Variants in CMSS1 observed in about 807,000 individuals in gnomAD.
The protein encoded by CMSS1 is protein CMSS1.
CMSS1 carries 33 observed loss-of-function variants against 43.5 expected under a neutral mutation model. The ratio of observed to expected loss-of-function variants is 0.76; its 90% CI spans 0.57 to 1.01. CMSS1 has a LOEUF of 1.01. CMSS1 is among the 50% of genes least tolerant of loss of function. The pLI, the probability that CMSS1 is intolerant of heterozygous loss-of-function variation, is 0.00. For missense variants in CMSS1, 313 were observed against 326.4 expected, an observed-to-expected ratio of 0.96 and a Z score of 0.32; for synonymous variants, 115 against 117.2, an observed-to-expected ratio of 0.98 and a Z score of 0.12.
intron 1 of CMSS1, among the ~76,000 whole-genome samples, chr3:100,146,644 A>G (rs374468633): frequency 6.6e-6 from 1 of 152,212 alleles, no homozygotes; most frequent in South Asian, 2.1e-4. Flanking sequence ...TACTATTATC[A>G]TCATAAGACA....
intron 1 of CMSS1, among the ~76,000 whole-genome samples, chr3:99,925,171 T>C (rs1447405618): frequency 6.6e-6 from 1 of 152,236 alleles, no homozygotes; most frequent in Non-Finnish European, 1.5e-5. Context: ...GATTTTCATT[T>C]TATTATACAT....
chr3:100,123,335 G>A (rs1157439884), intron 1 of CMSS1, among the ~76,000 whole-genome samples: 5 of 152,192 alleles, frequency 3.3e-5, no homozygotes, highest in Non-Finnish European at 7.3e-5. Flanking sequence ...GGCACTCCAG[G>A]AGGTCAGCAT....
chr3:99,849,432 T>G, intron 1 of CMSS1: 1 of 1,614,200 alleles, frequency 6.2e-7, no homozygotes, highest in South Asian at 1.1e-5. Flanking sequence ...GATTTAGTTT[T>G]TTTTGCAGGA....
At chr3:100,132,818 C>CAAAAAAA (rs537334560) in intron 1 of CMSS1, among the ~76,000 whole-genome samples, 131 of 65,698 alleles carry the variant, frequency 2.0e-3, no homozygotes, top group East Asian at 2.4e-3. Context: ...GACTCCATCC[C>CAAAAAAA]AAAAAAAAAA....
intron 1 of CMSS1, among the ~76,000 whole-genome samples, chr3:99,942,015 G>C (rs1294030924): frequency 6.6e-6 from 1 of 152,120 alleles, no homozygotes; most frequent in Non-Finnish European, 1.5e-5. Context: ...AGGAGATCTA[G>C]ACCATCCTGG....
At chr3:100,161,107 A>G (rs957525718) in intron 3 of CMSS1, among the ~76,000 whole-genome samples, 2 of 152,196 alleles carry the variant, frequency 1.3e-5, no homozygotes, top group African/African-American at 4.8e-5. Context: ...CTTCTCCCAC[A>G]GTTGTGAAAA....
chr3:99,914,103 A>G (rs1221077388), intron 1 of CMSS1, among the ~76,000 whole-genome samples: 1 of 152,206 alleles, frequency 6.6e-6, no homozygotes, highest in Admixed American at 6.5e-5. Flanking sequence ...CTTAGATCCC[A>G]CTATTTTCAA....
chr3:99,844,466 C>T (rs1943274147), intron 1 of CMSS1, among the ~76,000 whole-genome samples: 1 of 152,110 alleles, frequency 6.6e-6, no homozygotes, highest in Non-Finnish European at 1.5e-5. Context: ...TAGGAAAAAG[C>T]TAGAGTGTTG....
chr3:100,100,826 G>C (rs574513685), intron 1 of CMSS1, among the ~76,000 whole-genome samples: 4 of 152,186 alleles, frequency 2.6e-5, no homozygotes, highest in Admixed American at 6.5e-5. Flanking sequence ...TGTGGAGAAG[G>C]TGTCCTGGTG....
At chr3:99,840,037 G>A (rs1407057442) in intron 1 of CMSS1, among the ~76,000 whole-genome samples, 1 of 152,042 alleles carries the variant, frequency 6.6e-6, no homozygotes, top group Non-Finnish European at 1.5e-5. Context: ...ACAGTTGGGG[G>A]ATGCTACATG....
At chr3:99,942,570 G>A (rs377618010) in intron 1 of CMSS1, among the ~76,000 whole-genome samples, 1 of 152,204 alleles carries the variant, frequency 6.6e-6, no homozygotes, top group African/African-American at 2.4e-5. Flanking sequence ...CGTGGCTCAC[G>A]CCTGTAATCC....
intron 1 of CMSS1, among the ~76,000 whole-genome samples, chr3:99,939,092 G>T (rs1343288072): frequency 2.6e-5 from 4 of 152,160 alleles, no homozygotes; most frequent in Non-Finnish European, 5.9e-5. Context: ...TATGATTCAG[G>T]TTCATATTCC....
At chr3:99,892,874 A>T (rs1484275350) in intron 1 of CMSS1, among the ~76,000 whole-genome samples, 1 of 152,178 alleles carries the variant, frequency 6.6e-6, no homozygotes, top group African/African-American at 2.4e-5. Flanking sequence ...GGCTTAATGG[A>T]TTATTCTAAG....
At chr3:100,153,885 C>A (rs1352895503) in intron 2 of CMSS1, among the ~76,000 whole-genome samples, 2 of 147,884 alleles carry the variant, frequency 1.4e-5, no homozygotes, top group Non-Finnish European at 3.0e-5. Flanking sequence ...GAGTCTTGCT[C>A]TGTCGCCCAG....
At chr3:99,903,191 A>G (rs559861746) in intron 1 of CMSS1, among the ~76,000 whole-genome samples, 4 of 152,180 alleles carry the variant, frequency 2.6e-5, no homozygotes, top group South Asian at 4.1e-4. Flanking sequence ...AGCACTTAAA[A>G]CAGTAGCTGG....
chr3:100,142,793 A>G (rs558461126), intron 1 of CMSS1, among the ~76,000 whole-genome samples: 9 of 152,230 alleles, frequency 5.9e-5, no homozygotes, highest in Non-Finnish European at 8.8e-5. Flanking sequence ...AATGCTTTAC[A>G]TAGAGAATAT....
At chr3:100,057,558 G>A (rs1475176178) in intron 1 of CMSS1, among the ~76,000 whole-genome samples, 1 of 152,204 alleles carries the variant, frequency 6.6e-6, no homozygotes, top group Non-Finnish European at 1.5e-5. Flanking sequence ...ATATGTCTCT[G>A]TAAAAGTCTG....
At chr3:99,890,715 AT>A (rs1706056545) in intron 1 of CMSS1, among the ~76,000 whole-genome samples, 1 of 151,170 alleles carries the variant, frequency 6.6e-6, no homozygotes, top group Non-Finnish European at 1.5e-5. Context: ...TAAACTAGAA[AT>A]ACCAATCCGC....
At chr3:100,085,707 A>G (rs750342675) in intron 1 of CMSS1, among the ~76,000 whole-genome samples, 5 of 152,158 alleles carry the variant, frequency 3.3e-5, no homozygotes, top group Non-Finnish European at 5.9e-5. Context: ...CAGCCACTGC[A>G]GTGTTCTGTC....
Sources: gnomAD v4.1 joint callset for allele counts (sites outside exome capture counted in the v4.1 genomes callset) on GRCh38, gnomAD v4.1.1 for gene constraint, MANE v1.5 for transcripts, NCBI Gene and HGNC (gene_info 2026-07-23, HGNC 2026-07-21) for gene names.